Variants in BTBD9 observed in about 807,000 individuals in gnomAD.
The protein encoded by BTBD9 is BTB domain containing 9, also known as BTB/POZ domain-containing protein 9.
Under a neutral mutation model 64.3 loss-of-function variants are expected in BTBD9, and 49 were observed. That is an observed-to-expected ratio of 0.76 (90% CI 0.61 to 0.97). The LOEUF is 0.97. BTBD9 is among the 50% of genes least tolerant of loss of function. The probability of loss-of-function intolerance (pLI) is 0.00; values close to 1 mark genes in which losing one functional copy is unlikely to be tolerated. For missense variants in BTBD9, 598 were observed against 762.1 expected, an observed-to-expected ratio of 0.78 and a Z score of 2.53; for synonymous variants, 260 against 274.7, an observed-to-expected ratio of 0.95 and a Z score of 0.53.
chr6:38,261,448 G>A (rs1348231173), intron 8 of BTBD9, among the ~76,000 whole-genome samples: 1 of 152,002 alleles, frequency 6.6e-6, no homozygotes, highest in Non-Finnish European at 1.5e-5. Flanking sequence ...CTGTTTCTGT[G>A]CATCATCACC....
At chr6:38,205,904 G>T (rs913597706) in intron 9 of BTBD9, among the ~76,000 whole-genome samples, 1 of 59,510 alleles carries the variant, frequency 1.7e-5, no homozygotes. Flanking sequence ...AAGAAAGAAA[G>T]AAAGGAAGTT....
At chr6:38,480,166 A>C (rs915397555) in intron 6 of BTBD9, among the ~76,000 whole-genome samples, 1 of 152,244 alleles carries the variant, frequency 6.6e-6, no homozygotes, top group African/African-American at 2.4e-5. Context: ...CTTTGGAAAC[A>C]GATAAACGTA....
At chr6:38,488,981 G>C (rs1221598025) in intron 6 of BTBD9, among the ~76,000 whole-genome samples, 2 of 149,350 alleles carry the variant, frequency 1.3e-5, no homozygotes, top group Non-Finnish European at 3.0e-5. Flanking sequence ...CTGTAGCCTC[G>C]ACCTCCCAGG....
intron 1 of BTBD9, among the ~76,000 whole-genome samples, chr6:38,621,454 T>C (rs924696799): frequency 6.6e-6 from 1 of 152,176 alleles, no homozygotes; most frequent in Non-Finnish European, 1.5e-5. Context: ...TGGAAGTTCA[T>C]TTGTGGAGAA....
At chr6:38,259,433 C>T (rs556605505) in intron 8 of BTBD9, among the ~76,000 whole-genome samples, 1 of 152,144 alleles carries the variant, frequency 6.6e-6, no homozygotes, top group Non-Finnish European at 1.5e-5. Flanking sequence ...GACAGCTTCT[C>T]TCTCTGTTGC....
chr6:38,350,584 C>T (rs1292640210), intron 6 of BTBD9, among the ~76,000 whole-genome samples: 1 of 152,136 alleles, frequency 6.6e-6, no homozygotes, highest in Non-Finnish European at 1.5e-5. Flanking sequence ...AGCTAAAATC[C>T]ATCTGAATTC....
chr6:38,433,406 G>A (rs1408487602), intron 6 of BTBD9, among the ~76,000 whole-genome samples: 1 of 151,924 alleles, frequency 6.6e-6, no homozygotes, highest in African/African-American at 2.4e-5. Context: ...CACAAAAGAA[G>A]TGAAAATAGC....
intron 6 of BTBD9, among the ~76,000 whole-genome samples, chr6:38,351,504 G>GCTTT (rs1764506388): frequency 1.0e-5 from 1 of 96,696 alleles, no homozygotes; most frequent in Non-Finnish European, 2.0e-5. Flanking sequence ...TTTAATTGTT[G>GCTTT]TTGTTTTTTT....
At chr6:38,234,136 A>C (rs1433638164) in intron 9 of BTBD9, among the ~76,000 whole-genome samples, 1 of 152,222 alleles carries the variant, frequency 6.6e-6, no homozygotes, top group Non-Finnish European at 1.5e-5. Context: ...CCTTTCTTTA[A>C]ATATAAACTC....
intron 6 of BTBD9, among the ~76,000 whole-genome samples, chr6:38,479,310 C>T (rs974641983): frequency 1.3e-5 from 2 of 152,086 alleles, no homozygotes; most frequent in Non-Finnish European, 2.9e-5. Context: ...TAAGCGAGCA[C>T]TGACCTTCCT....
intron 7 of BTBD9, among the ~76,000 whole-genome samples, chr6:38,331,820 C>T (rs1763685484): frequency 6.6e-6 from 1 of 152,100 alleles, no homozygotes; most frequent in Non-Finnish European, 1.5e-5. Flanking sequence ...GATTGCATCA[C>T]TGCACTCTAG....
At chr6:38,296,195 T>C (rs1029353626) in intron 7 of BTBD9, among the ~76,000 whole-genome samples, 1 of 152,196 alleles carries the variant, frequency 6.6e-6, no homozygotes, top group African/African-American at 2.4e-5. Flanking sequence ...CCCCTCCTTT[T>C]CCTTTTCTTT....
At chr6:38,360,520 A>T (rs997605689) in intron 6 of BTBD9, among the ~76,000 whole-genome samples, 1 of 152,208 alleles carries the variant, frequency 6.6e-6, no homozygotes, top group African/African-American at 2.4e-5. Context: ...AATTCCACAC[A>T]AATAGCATGA....
At chr6:38,292,175 G>C (rs1761988981) in intron 7 of BTBD9, among the ~76,000 whole-genome samples, 1 of 151,806 alleles carries the variant, frequency 6.6e-6, no homozygotes, top group African/African-American at 2.4e-5. Flanking sequence ...TGTTGGTCAG[G>C]TTGGTCTTGA....
intron 1 of BTBD9, among the ~76,000 whole-genome samples, chr6:38,633,897 G>A (rs779939485): frequency 1.3e-5 from 2 of 152,004 alleles, no homozygotes; most frequent in Non-Finnish European, 1.5e-5. Flanking sequence ...AGTCCTCAAT[G>A]TCTCTTCCTT....
chr6:38,240,579 A>C (rs993422119), intron 9 of BTBD9, among the ~76,000 whole-genome samples: 8 of 152,224 alleles, frequency 5.3e-5, no homozygotes, highest in Admixed American at 1.3e-4. Flanking sequence ...TGAAAATATC[A>C]GTGGTTCTAT....
intron 2 of BTBD9, chr6:38,596,211 G>A (rs1777024986): frequency 7.0e-6 from 2 of 285,600 alleles, no homozygotes; most frequent in Admixed American, 6.5e-5. Flanking sequence ...TAGAGGTAGA[G>A]CTTAGCTCTA....
At chr6:38,530,479 C>T (rs1725129689) in intron 6 of BTBD9, among the ~76,000 whole-genome samples, 1 of 152,126 alleles carries the variant, frequency 6.6e-6, no homozygotes, top group African/African-American at 2.4e-5. Context: ...CACGGTCCTA[C>T]TGATATGTGC....
chr6:38,565,334 T>C (rs1775444928), intron 6 of BTBD9, among the ~76,000 whole-genome samples: 1 of 152,228 alleles, frequency 6.6e-6, no homozygotes, highest in Admixed American at 6.5e-5. Flanking sequence ...ACAGCATCTG[T>C]GGTTTCTACT....
Sources: allele counts gnomAD v4.1 joint callset (sites outside exome capture counted in the v4.1 genomes callset), GRCh38; gene constraint gnomAD v4.1.1; transcripts MANE v1.5; gene names NCBI Gene and HGNC (gene_info 2026-07-23, HGNC 2026-07-21).